GRIN2A: variants seen among roughly 807,000 people sequenced by gnomAD.
The protein encoded by GRIN2A is glutamate ionotropic receptor NMDA type subunit 2A, also known as glutamate receptor ionotropic, NMDA 2A.
A neutral mutation model predicts 113.4 loss-of-function variants in GRIN2A; 22 were observed. The observed-to-expected ratio is 0.19, with a 90% CI of 0.14 to 0.28. The LOEUF is 0.28. GRIN2A is among the 10% of genes least tolerant of loss of function. The probability of loss-of-function intolerance (pLI) is 1.00; values close to 1 mark genes in which losing one functional copy is unlikely to be tolerated. For synonymous variants in GRIN2A, 827 were observed against 738.4 expected (o/e 1.12, Z -1.94); for missense variants, 1,502 against 1,887.0 (o/e 0.80, Z 3.78).
At chr16:10,014,194 G>C (rs1479004050) in intron 2 of GRIN2A, among the ~76,000 whole-genome samples, 1 of 152,160 alleles carries the variant, frequency 6.6e-6, no homozygotes, top group Non-Finnish European at 1.5e-5. Context: ...TTTATTATCA[G>C]AACAAATGAA....
intron 10 of GRIN2A, among the ~76,000 whole-genome samples, chr16:9,815,960 A>T (rs1359320466): frequency 6.6e-6 from 1 of 152,272 alleles, no homozygotes; most frequent in Non-Finnish European, 1.5e-5. Context: ...ATTTTGGCAC[A>T]TGCCAAAACA....
intron 2 of GRIN2A, among the ~76,000 whole-genome samples, chr16:10,175,461 C>T (rs1457507436): frequency 2.6e-5 from 4 of 152,258 alleles, no homozygotes; most frequent in East Asian, 3.9e-4. Flanking sequence ...AAAGGAAATA[C>T]ACCAAAGTGT....
At chr16:9,986,910 A>G (rs2045989102) in intron 2 of GRIN2A, among the ~76,000 whole-genome samples, 1 of 152,070 alleles carries the variant, frequency 6.6e-6, no homozygotes, top group Non-Finnish European at 1.5e-5. Context: ...AGTGCTAGTA[A>G]TTCAATAACT....
At chr16:9,973,675 G>A (rs572871971) in intron 2 of GRIN2A, among the ~76,000 whole-genome samples, 25 of 151,894 alleles carry the variant, frequency 1.6e-4, no homozygotes, top group Non-Finnish European at 2.6e-4. Flanking sequence ...ATTAGCAAGA[G>A]AAAAATAGCA....
At chr16:10,142,163 A>C (rs1026781133) in intron 2 of GRIN2A, among the ~76,000 whole-genome samples, 1 of 152,180 alleles carries the variant, frequency 6.6e-6, no homozygotes, top group Non-Finnish European at 1.5e-5. Context: ...ACAAGAAGAT[A>C]TTGGAAGATT....
intron 7 of GRIN2A, among the ~76,000 whole-genome samples, chr16:9,835,605 T>C (rs905649429): frequency 1.3e-5 from 2 of 152,212 alleles, no homozygotes. Context: ...TTAAAACCCT[T>C]TTCCTCATAA....
Position 9,849,910 on chromosome 16 carries a change from T to G in GRIN2A, c.1174A>C (p.Arg392=), listed in dbSNP as rs2042852471. ...TCACAGTCGGAGAAGGACTTGTACC[T>G]GGGCCACACGGCGTGCCTCAGGCTC... ...TLSLRHAVWP[R]YKSFSDCEPD... The change falls in exon 5 of 13, where the codon AGG becomes CGG. Residue 392 remains arginine, a synonymous_variant. Transcript: ENST00000330684. 1 of 1,614,106 alleles carries G rather than the reference T, an allele frequency of 6.2e-7. No homozygotes were observed. Among genetic ancestry groups the G allele is most frequent in the Non-Finnish European group, 8.5e-7 (1 of 1,179,980 alleles).
intron 4 of GRIN2A, among the ~76,000 whole-genome samples, chr16:9,885,863 G>A (rs2043576894): frequency 6.6e-6 from 1 of 152,240 alleles, no homozygotes; most frequent in East Asian, 1.9e-4. Context: ...ACTACAGGCA[G>A]TATTTGTGCA....
At chr16:10,147,825 A>G (rs562497130) in intron 2 of GRIN2A, among the ~76,000 whole-genome samples, 7 of 152,218 alleles carry the variant, frequency 4.6e-5, no homozygotes, top group Admixed American at 3.9e-4. Context: ...TATAGCAAAA[A>G]TGATCTAGAG....
intron 4 of GRIN2A, among the ~76,000 whole-genome samples, chr16:9,871,117 A>G (rs1000372187): frequency 5.9e-5 from 9 of 151,702 alleles, no homozygotes; most frequent in African/African-American, 1.5e-4. Flanking sequence ...CACGCCCACA[A>G]TTTTCCTGCT....
rs1046756810 is a variant in GRIN2A at position 9,759,995 on chromosome 16, G to C, written c.*3154C>G. 4.3e-6 allele frequency: 1 copy of C among 231,250 alleles called. No individual in the cohort carries two copies. The highest frequency in any genetic ancestry group is 8.6e-6 in the Non-Finnish European group (1 of 116,792). The allele number at this position is 231,250 out of a possible 1,614,324, so 14.3% of individuals were successfully genotyped here. Reference sequence around the variant, plus strand: ...CAGAGACCCAACCGTTTGCATTCAAGTGTACCTATCTGAGGACTAGTTGGG... The same window carrying C: ...CAGAGACCCAACCGTTTGCATTCAACTGTACCTATCTGAGGACTAGTTGGG... On this transcript the variant is annotated 3_prime_UTR_variant, in exon 13 of 13. Transcript: ENST00000330684.
intron 2 of GRIN2A, among the ~76,000 whole-genome samples, chr16:9,951,907 T>C (rs775285589): frequency 3.9e-5 from 6 of 152,066 alleles, no homozygotes; most frequent in Non-Finnish European, 7.4e-5. Flanking sequence ...TCTTCTCCAG[T>C]GTTGATGAAC....
At chr16:9,933,191 C>A (rs1225771540) in intron 3 of GRIN2A, among the ~76,000 whole-genome samples, 1 of 152,168 alleles carries the variant, frequency 6.6e-6, no homozygotes, top group Non-Finnish European at 1.5e-5. Flanking sequence ...GAATATTAAA[C>A]ATGAAGAAAA....
At chr16:10,144,921 A>AG (rs778230784) in intron 2 of GRIN2A, among the ~76,000 whole-genome samples, 39 of 5,966 alleles carry the variant, frequency 6.5e-3, no homozygotes, top group African/African-American at 0.013. Flanking sequence ...ACCCTGTCTC[A>AG]AAAAAAAAAA....
chr16:10,041,083 T>G (rs879321137), intron 2 of GRIN2A, among the ~76,000 whole-genome samples: 17 of 152,254 alleles, frequency 1.1e-4, no homozygotes, highest in Admixed American at 7.2e-4. Flanking sequence ...GTGCCAGATG[T>G]TAATCAGCAG....
At chr16:10,171,401 G>C (rs748589694) in intron 2 of GRIN2A, 1 of 152,164 alleles carries the variant, frequency 6.6e-6, no homozygotes, top group African/African-American at 2.4e-5. Flanking sequence ...CCTAAGCCTC[G>C]TGCAAACATA....
At chr16:9,842,973 A>AGAGAG in intron 5 of GRIN2A, among the ~76,000 whole-genome samples, 1 of 100,066 alleles carries the variant, frequency 1.0e-5, no homozygotes, top group Non-Finnish European at 2.1e-5. Context: ...GAGAGAGAGG[A>AGAGAG]AGAAAGAAAG....
intron 2 of GRIN2A, among the ~76,000 whole-genome samples, chr16:10,032,533 T>A (rs2046949067): frequency 6.6e-6 from 1 of 152,206 alleles, no homozygotes; most frequent in Non-Finnish European, 1.5e-5. Flanking sequence ...TACCATGTGT[T>A]CCAAGTGCTT....
intron 2 of GRIN2A, among the ~76,000 whole-genome samples, chr16:10,120,396 A>C (rs1311944991): frequency 6.6e-6 from 1 of 152,196 alleles, no homozygotes; most frequent in African/African-American, 2.4e-5. Flanking sequence ...TTGATATTAT[A>C]ACCTAAGGTT....
Sources: allele counts gnomAD v4.1 joint callset (sites outside exome capture counted in the v4.1 genomes callset), GRCh38; gene constraint gnomAD v4.1.1; transcripts MANE v1.5; gene names NCBI Gene and HGNC (gene_info 2026-07-23, HGNC 2026-07-21).